The following ST8SIA5 variants were observed in gnomAD, a reference collection of about 807,000 sequenced individuals.
ST8SIA5 encodes the protein ST8 alpha-N-acetyl-neuraminide alpha-2,8-sialyltransferase 5, also known as alpha-2,8-sialyltransferase 8E.
ST8SIA5 carries 24 observed loss-of-function variants against 40.2 expected under a neutral mutation model. The ratio of observed to expected loss-of-function variants is 0.60; its 90% confidence interval spans 0.43 to 0.84. The LOEUF (loss-of-function observed/expected upper bound fraction) is 0.84. Among genes scored for constraint, ST8SIA5 ranks in the 40% least tolerant of loss-of-function variants. The pLI is 0.00. For synonymous variants in ST8SIA5, 198 were observed against 201.8 expected (o/e 0.98, Z 0.16); for missense variants, 465 against 498.5 (o/e 0.93, Z 0.64).
chr18:46,735,794 G>C (rs1434233796), intron 1 of ST8SIA5, among the ~76,000 whole-genome samples: 3 of 149,004 alleles, frequency 2.0e-5, no homozygotes, highest in Admixed American at 1.3e-4. Flanking sequence ...TTTTTTTTTC[G>C]TACAGACAGG....
chr18:46,688,540 C>T (rs182306342), intron 4 of ST8SIA5, among the ~76,000 whole-genome samples: 3 of 152,340 alleles, frequency 2.0e-5, no homozygotes, highest in South Asian at 2.1e-4. Flanking sequence ...GTCACTTTCT[C>T]GCCAAAAGTC....
In ST8SIA5 at chr18:46,756,832, G is replaced by T; in HGVS notation, c.-324C>A. On this transcript the variant is annotated 5_prime_UTR_variant, in exon 1 of 7. Transcript: ENST00000315087. ...TTTCCCCGCGGAGGGGAGACGCCAGGTGCCACGAGCCGGAGGCGGCCCCTC... is the reference window on the plus strand; with the variant it reads ...TTTCCCCGCGGAGGGGAGACGCCAGTTGCCACGAGCCGGAGGCGGCCCCTC... 1 of 292,796 alleles carries T rather than the reference G, an allele frequency of 3.4e-6. No homozygotes were observed. Among genetic ancestry groups the T allele is most frequent in the South Asian group, 5.3e-5 (1 of 18,828 alleles). 18.1% of individuals were successfully genotyped at this position (292,796 alleles called of 1,614,324 possible).
intron 1 of ST8SIA5, among the ~76,000 whole-genome samples, chr18:46,754,917 C>T (rs754550668): frequency 6.6e-6 from 1 of 152,204 alleles, no homozygotes; most frequent in African/African-American, 2.4e-5. Context: ...TGTGGGGGAC[C>T]CAGCTGTCCT....
chr18:46,745,143 A>G (rs1207063145), intron 1 of ST8SIA5, among the ~76,000 whole-genome samples: 2 of 152,212 alleles, frequency 1.3e-5, no homozygotes, highest in African/African-American at 4.8e-5. Flanking sequence ...CCCTAACATC[A>G]CAATTCAAAG....
chr18:46,682,110 G>A, intron 5 of ST8SIA5, 46 bp from the exon 6 acceptor site: 1 of 1,504,792 alleles, frequency 6.6e-7, no homozygotes, highest in Non-Finnish European at 9.0e-7. Context: ...CATTCAATAG[G>A]TCAGGCTGGG....
chr18:46,707,880 C>T (rs1241031201), intron 1 of ST8SIA5, among the ~76,000 whole-genome samples: 6 of 152,208 alleles, frequency 3.9e-5, no homozygotes, highest in African/African-American at 1.2e-4. Context: ...GAAACTTAAT[C>T]TGCCTTGATC....
At chr18:46,726,930 C>T (rs2039937659) in intron 1 of ST8SIA5, among the ~76,000 whole-genome samples, 1 of 152,154 alleles carries the variant, frequency 6.6e-6, no homozygotes, top group South Asian at 2.1e-4. Context: ...AACAAACAAA[C>T]AACAACAACA....
At chr18:46,691,078 G>A in intron 3 of ST8SIA5, among the ~76,000 whole-genome samples, 1 of 152,086 alleles carries the variant, frequency 6.6e-6, no homozygotes, top group African/African-American at 2.4e-5. Context: ...ATTTCTAAGG[G>A]GCCAATTGGC....
chr18:46,701,762 C>G (rs1370815422), intron 2 of ST8SIA5, among the ~76,000 whole-genome samples: 1 of 152,152 alleles, frequency 6.6e-6, no homozygotes, highest in Non-Finnish European at 1.5e-5. Context: ...ATGGGAAGTT[C>G]CCCAGAAGGA....
chr18:46,716,227 C>T (rs2039790198), intron 1 of ST8SIA5, among the ~76,000 whole-genome samples: 2 of 152,180 alleles, frequency 1.3e-5, no homozygotes, highest in South Asian at 4.1e-4. Flanking sequence ...GTAATGAATA[C>T]ACCCACCTCA....
chr18:46,713,431 C>T (rs1436052260), intron 1 of ST8SIA5, among the ~76,000 whole-genome samples: 1 of 152,120 alleles, frequency 6.6e-6, no homozygotes, highest in African/African-American at 2.4e-5. Context: ...CACAGGTAGG[C>T]AGTCAGATGC....
At position 46,680,159 on chromosome 18, in the gene ST8SIA5, A is replaced by C; in HGVS notation, c.1014T>G (p.Tyr338Ter). 6.2e-7 allele frequency: 1 copy of C among 1,614,234 alleles called. No individual in the cohort carries two copies. Among genetic ancestry groups the C allele is most frequent in the Non-Finnish European group, 8.5e-7 (1 of 1,180,036 alleles). ...AGCCGGGACGCGGCTTGACGTTGTCATAGTAGTGGTGAGTGATGTAGAGGC... is the reference window on the plus strand; with the variant it reads ...AGCCGGGACGCGGCTTGACGTTGTCCTAGTAGTGGTGAGTGATGTAGAGGC... ...PSGLYITHHY[Y>*]DNVKPRPGFH... The change falls in exon 7 of 7, where the codon TAT becomes TAG. Residue 338 changes from tyrosine (Y) to a stop codon, truncating the protein, a stop_gained. Coordinates refer to ENST00000315087, the MANE Select transcript of ST8SIA5 (RefSeq NM_013305.6). LOFTEE classifies it high-confidence loss of function.
chr18:46,756,616 G>A lies in ST8SIA5; in HGVS notation c.-108C>T. ...GGCCGACTTGGCGCCTCACGGTGCG[G>A]TCAGGCAGGCGGGGGACTTCGAGGG... On this transcript the variant is annotated 5_prime_UTR_variant, in exon 1 of 7. Coordinates refer to ENST00000315087, the MANE Select transcript of ST8SIA5 (RefSeq NM_013305.6). The A allele has an allele frequency of 7.5e-7, 1 of 1,339,998 alleles. No individual in the cohort carries two copies. Among genetic ancestry groups the A allele is most frequent in the Non-Finnish European group, 1.0e-6 (1 of 999,262 alleles). 83.0% of individuals were successfully genotyped at this position (1,339,998 alleles called of 1,614,324 possible). A position where few individuals can be genotyped will look rare whatever the true frequency, so the allele number is the denominator to read the frequency against.
At chr18:46,718,965 G>A (rs968063758) in intron 1 of ST8SIA5, among the ~76,000 whole-genome samples, 1 of 152,122 alleles carries the variant, frequency 6.6e-6, no homozygotes, top group South Asian at 2.1e-4. Context: ...CTGCTCACAC[G>A]CCAGGGTAAA....
intron 5 of ST8SIA5, among the ~76,000 whole-genome samples, chr18:46,682,641 T>C (rs1360639396): frequency 1.3e-5 from 2 of 152,240 alleles, no homozygotes; most frequent in African/African-American, 2.4e-5. Flanking sequence ...CCTGTGACTA[T>C]GCAGCCTTAC....
Position 46,743,207 on chromosome 18 carries a change from A to T in ST8SIA5, c.131+13171T>A, listed in dbSNP as rs190713407. The stretch of plus-strand genomic sequence containing the variant: ...GCAATGGAACAAAGCTGGACAGAGA[A>T]TGACTTTGATGAGTTGACAGAAGAA... On this transcript the variant is annotated intron_variant, in intron 1 of 6. Transcript: ENST00000315087. 2.7e-3 allele frequency among the ~76,000 whole-genome samples: 410 copies of T among 152,344 alleles called. 4 individuals are homozygous for T. Among genetic ancestry groups the T allele is most frequent in the African/African-American group, 9.5e-3 (395 of 41,574 alleles).
Position 46,690,296 on chromosome 18 carries a change from T to A in ST8SIA5, c.312-1377A>T, listed in dbSNP as rs1428331150. Among the ~76,000 whole-genome samples, 4 of 152,312 alleles carry A rather than the reference T, an allele frequency of 2.6e-5. No homozygotes were observed. In the East Asian group the frequency reaches 7.7e-4, roughly 29 times the overall value. Reference sequence around the variant, plus strand: ...TCATGCCTGCCTTCTAGCACCCACCTGACACTCCCTCATGGCACCAGGTTC... The same window carrying A: ...TCATGCCTGCCTTCTAGCACCCACCAGACACTCCCTCATGGCACCAGGTTC... On this transcript the variant is annotated intron_variant, in intron 3 of 6. Coordinates refer to ENST00000315087, the MANE Select transcript of ST8SIA5 (RefSeq NM_013305.6).
rs761550651 is a variant in ST8SIA5, at chr18:46,688,850, C to T, written c.381G>A (p.Gly127=). ...LFTTQKNTPL[G]TKLKYEVDTS... ...TGTCCACCTCATACTTGAGCTTTGT[C>T]CCCAGGGGAGTGTTCTTCTGGGTGG... The change falls in exon 4 of 7, where the codon GGG becomes GGA. Residue 127 remains glycine (G), a synonymous_variant. Coordinates refer to ENST00000315087, the MANE Select transcript of ST8SIA5 (RefSeq NM_013305.6). 26 of 1,613,944 alleles carry T rather than the reference C, an allele frequency of 1.6e-5. No homozygotes were observed. In the Admixed American group the frequency reaches 2.3e-4, roughly 14 times the overall value.
chr18:46,713,766 A>T (rs2039757156), intron 1 of ST8SIA5, among the ~76,000 whole-genome samples: 1 of 152,200 alleles, frequency 6.6e-6, no homozygotes, highest in South Asian at 2.1e-4. Flanking sequence ...GGCACCACTG[A>T]TCTAGCAACC....
Sources: allele counts gnomAD v4.1 joint callset (sites outside exome capture counted in the v4.1 genomes callset), GRCh38; gene constraint gnomAD v4.1.1; transcripts MANE v1.5; gene names NCBI Gene and HGNC (gene_info 2026-07-23, HGNC 2026-07-21).